IMMP2L: variants seen among roughly 807,000 people sequenced by gnomAD.
The protein encoded by IMMP2L is inner mitochondrial membrane peptidase subunit 2.
Under a neutral mutation model 19.3 loss-of-function variants are expected in IMMP2L, and 18 were observed. The ratio of observed to expected loss-of-function variants is 0.93; its 90% CI spans 0.64 to 1.38. The LOEUF (loss-of-function observed/expected upper bound fraction) is 1.38. IMMP2L is among the 40% of genes most tolerant of loss of function. The pLI, the probability that IMMP2L is intolerant of heterozygous loss-of-function variation, is 0.00. For missense variants in IMMP2L, 233 were observed against 218.2 expected (o/e 1.07, Z -0.43); for synonymous variants, 76 against 73.0 (o/e 1.04, Z -0.21).
chr7:111,461,537 T>C (rs1043434996), intron 3 of IMMP2L, among the ~76,000 whole-genome samples: 10 of 152,062 alleles, frequency 6.6e-5, no homozygotes, highest in African/African-American at 2.2e-4. Flanking sequence ...TTAAGGTTTA[T>C]AGTGAAGGCT....
At chr7:110,841,450 A>C (rs1161220674) in intron 5 of IMMP2L, among the ~76,000 whole-genome samples, 2 of 152,206 alleles carry the variant, frequency 1.3e-5, no homozygotes, top group African/African-American at 4.8e-5. Flanking sequence ...GACAAAGTAG[A>C]ATCATTTCTC....
intron 1 of IMMP2L, among the ~76,000 whole-genome samples, chr7:111,539,614 A>G (rs1585595375): frequency 6.8e-6 from 1 of 147,762 alleles, no homozygotes; most frequent in South Asian, 2.1e-4. Context: ...AATCAGAGCC[A>G]CTCTGCTTTT....
Position 111,513,477 on chromosome 7 carries a change from C to G in IMMP2L, c.135+7836G>C, listed in dbSNP as rs192227764. Reference sequence around the variant, plus strand: ...AGAGATAAATGTTGGTGAGAATATGCAGAAAAGAGAACCCTTGTGCTCTAT... The same window carrying G: ...AGAGATAAATGTTGGTGAGAATATGGAGAAAAGAGAACCCTTGTGCTCTAT... On this transcript the variant is annotated intron_variant, in intron 2 of 5. Transcript: ENST00000405709. Among the ~76,000 whole-genome samples the G allele has an allele frequency of 5.6e-4, 85 of 152,134 alleles. 2 individuals are homozygous for G. Among genetic ancestry groups the G allele is most frequent in the African/African-American group, 1.9e-3 (79 of 41,526 alleles).
intron 3 of IMMP2L, among the ~76,000 whole-genome samples, chr7:111,229,974 A>T (rs1813544785): frequency 6.6e-6 from 1 of 152,042 alleles, no homozygotes; most frequent in Non-Finnish European, 1.5e-5. Context: ...AAGACCCTGG[A>T]CAGTGTGGTA....
At chr7:111,436,562 T>C (rs973989820) in intron 3 of IMMP2L, among the ~76,000 whole-genome samples, 1 of 151,686 alleles carries the variant, frequency 6.6e-6, no homozygotes, top group African/African-American at 2.4e-5. Flanking sequence ...ATGAATACTT[T>C]TTAAACATTT....
intron 3 of IMMP2L, among the ~76,000 whole-genome samples, chr7:111,191,730 C>G (rs1381839248): frequency 7.2e-5 from 11 of 152,032 alleles, no homozygotes; most frequent in Admixed American, 3.9e-4. Flanking sequence ...AGAAGTTGAT[C>G]TACTCTGAGC....
At chr7:111,151,962 A>G (rs1804122347) in intron 3 of IMMP2L, among the ~76,000 whole-genome samples, 1 of 152,144 alleles carries the variant, frequency 6.6e-6, no homozygotes, top group Admixed American at 6.5e-5. Flanking sequence ...TCTGAAAACA[A>G]TATTTGAGAT....
At chr7:111,526,602 T>G (rs1846884433) in intron 1 of IMMP2L, among the ~76,000 whole-genome samples, 1 of 152,198 alleles carries the variant, frequency 6.6e-6, no homozygotes. Flanking sequence ...TCTCTGCTGC[T>G]CTAAGTAGTA....
intron 5 of IMMP2L, among the ~76,000 whole-genome samples, chr7:110,857,560 T>G (rs983977742): frequency 6.6e-6 from 1 of 152,130 alleles, no homozygotes; most frequent in Admixed American, 6.6e-5. Flanking sequence ...GTTAAAAATA[T>G]AGATTCCTGG....
At chr7:111,535,519 A>C (rs753377690) in intron 1 of IMMP2L, among the ~76,000 whole-genome samples, 3 of 152,138 alleles carry the variant, frequency 2.0e-5, no homozygotes, top group Non-Finnish European at 4.4e-5. Context: ...CCCATCGGAC[A>C]CTTAAAATCT....
intron 3 of IMMP2L, among the ~76,000 whole-genome samples, chr7:111,385,392 T>C (rs1164432939): frequency 6.6e-6 from 1 of 152,082 alleles, no homozygotes; most frequent in East Asian, 1.9e-4. Flanking sequence ...CAGTATCCTG[T>C]TCTCTACATT....
intron 5 of IMMP2L, among the ~76,000 whole-genome samples, chr7:110,831,989 C>T (rs186723153): frequency 8.7e-4 from 133 of 152,272 alleles, no homozygotes; most frequent in Non-Finnish European, 1.3e-3. Flanking sequence ...TAGGGCTGGG[C>T]GCGGTGGCTC....
At chr7:110,764,648 C>G (rs978007660) in intron 5 of IMMP2L, among the ~76,000 whole-genome samples, 2 of 151,902 alleles carry the variant, frequency 1.3e-5, no homozygotes, top group African/African-American at 4.8e-5. Flanking sequence ...AAGGTAGCAC[C>G]TAATTATAAT....
At chr7:110,887,000 G>A (rs961108663) in intron 4 of IMMP2L, among the ~76,000 whole-genome samples, 13 of 151,688 alleles carry the variant, frequency 8.6e-5, no homozygotes, top group South Asian at 2.1e-4. Flanking sequence ...TATGAAATCC[G>A]GTAAGCCCTA....
At chr7:111,335,465 T>A (rs1826306726) in intron 3 of IMMP2L, among the ~76,000 whole-genome samples, 1 of 151,762 alleles carries the variant, frequency 6.6e-6, no homozygotes, top group South Asian at 2.1e-4. Flanking sequence ...ATAGAACAAC[T>A]CAAAATAAAA....
chr7:110,700,112 C>A (rs1336882216), intron 5 of IMMP2L, among the ~76,000 whole-genome samples: 1 of 152,152 alleles, frequency 6.6e-6, no homozygotes, highest in African/African-American at 2.4e-5. Context: ...GAGCAGAGGA[C>A]CCAACTAAGT....
intron 3 of IMMP2L, among the ~76,000 whole-genome samples, chr7:111,429,480 AGGCAT>A (rs1484531585): frequency 6.6e-6 from 1 of 151,830 alleles, no homozygotes; most frequent in African/African-American, 2.4e-5. Flanking sequence ...ATCTGGTGCT[AGGCAT>A]GGTTCCTGAA....
At chr7:111,299,013 A>G (rs1424804383) in intron 3 of IMMP2L, among the ~76,000 whole-genome samples, 1 of 152,154 alleles carries the variant, frequency 6.6e-6, no homozygotes. Context: ...TACAGTCAAA[A>G]GGCACAACTA....
intron 3 of IMMP2L, among the ~76,000 whole-genome samples, chr7:111,470,423 C>T (rs1348796422): frequency 4.6e-5 from 7 of 151,882 alleles, no homozygotes; most frequent in African/African-American, 7.3e-5. Flanking sequence ...CACATGCACA[C>T]GTATGTTTAT....
Sources: gnomAD v4.1 joint callset for allele counts (sites outside exome capture counted in the v4.1 genomes callset) on GRCh38, gnomAD v4.1.1 for gene constraint, MANE v1.5 for transcripts, NCBI Gene and HGNC (gene_info 2026-07-23, HGNC 2026-07-21) for gene names.